CELSR1: variants seen among roughly 807,000 people sequenced by gnomAD.
The protein encoded by CELSR1 is cadherin EGF LAG seven-pass G-type receptor 1, also known as adhesion G protein-coupled receptor C1.
In CELSR1, 110 loss-of-function variants were observed where a neutral mutation model predicts 249.1. The ratio of observed to expected loss-of-function variants is 0.44; its 90% CI spans 0.38 to 0.52. The LOEUF is 0.52. CELSR1 is among the 20% of genes least tolerant of loss of function. The probability of loss-of-function intolerance (pLI) is 0.00; values close to 1 mark genes in which losing one functional copy is unlikely to be tolerated. For missense variants in CELSR1, 4,109 were observed against 4,296.4 expected, an observed-to-expected ratio of 0.96 and a Z score of 1.22; for synonymous variants, 2,113 against 1,900.0, an observed-to-expected ratio of 1.11 and a Z score of -2.92.
chr22:46,377,607 C>T, intron 23 of CELSR1: 1 of 330,498 alleles, frequency 3.0e-6, no homozygotes, highest in East Asian at 6.8e-5. Context: ...ATTTCAGCTT[C>T]CTTGGCCCAC....
At position 46,433,578 on chromosome 22, in the gene CELSR1, G is replaced by A; in HGVS notation, c.4523-97C>T. ...TGTGAGGCATCAGGGGGAGACAGGT[G>A]CACATGGCCACGTCCTCCCTCCCCT... On this transcript the variant is annotated intron_variant, in intron 4 of 34. Coordinates refer to ENST00000674500, the MANE Select transcript of CELSR1 (RefSeq NM_001378328.1). The surrounding 1 kb of genome is among the most constrained non-coding windows in gnomAD (Gnocchi z 5.7). The A allele has an allele frequency of 2.3e-6, 2 of 870,570 alleles. No individual in the cohort carries two copies. The highest frequency in any genetic ancestry group is 1.5e-5 in the South Asian group (1 of 65,224). 53.9% of individuals were successfully genotyped at this position (870,570 alleles called of 1,614,324 possible). A position where few individuals can be genotyped will look rare whatever the true frequency, so the allele number is the denominator to read the frequency against.
In CELSR1 at chr22:46,402,927, G is replaced by A. The variant is rs2147296536; in HGVS notation, c.5227-3025C>T. ...ATTATACCTGAAATATAAGGATACA[G>A]AAAATGTTGAAAGTAAAAGGATAGA... On this transcript the variant is annotated intron_variant, in intron 9 of 34. Coordinates refer to ENST00000674500, the MANE Select transcript of CELSR1 (RefSeq NM_001378328.1). This position sits in a 1 kb window ranked among gnomAD's most constrained non-coding sequence, Gnocchi z 5.0. 6.6e-6 allele frequency among the ~76,000 whole-genome samples: 1 copy of A among 152,164 alleles called. No homozygotes were observed. Among genetic ancestry groups the A allele is most frequent in the East Asian group, 1.9e-4 (1 of 5,176 alleles).
Position 46,453,225 on chromosome 22 carries a change from G to A in CELSR1, c.4183+10482C>T, listed in dbSNP as rs553438042. Among the ~76,000 whole-genome samples the A allele has an allele frequency of 4.6e-5, 7 of 152,294 alleles. No homozygotes were observed. In the South Asian group the frequency reaches 8.3e-4, roughly 18 times the overall value. On this transcript the variant is annotated intron_variant, in intron 2 of 34. Transcript: ENST00000674500. Reference sequence around the variant, plus strand: ...GGGCTGGAAGGGACGTGCCCGGTGCGTTCGTTATCAGCATGCAGGGAAACC... The same window carrying A: ...GGGCTGGAAGGGACGTGCCCGGTGCATTCGTTATCAGCATGCAGGGAAACC...
rs2080075021 is a variant in CELSR1, at chr22:46,464,478, C to G, written c.3545-133G>C. On this transcript the variant is annotated intron_variant, in intron 1 of 34. Coordinates refer to ENST00000674500, the MANE Select transcript of CELSR1 (RefSeq NM_001378328.1). The surrounding 1 kb of genome is among the most constrained non-coding windows in gnomAD (Gnocchi z 8.5). The stretch of plus-strand genomic sequence containing the variant: ...GCCTGGGCATCCCCACTCCCCATTC[C>G]CCACCCATGACCACCACCTTGACCC... 1 of 902,596 alleles carries G rather than the reference C, an allele frequency of 1.1e-6. No individual in the cohort carries two copies. Among genetic ancestry groups the G allele is most frequent in the East Asian group, 2.6e-5 (1 of 38,222 alleles). 55.9% of individuals were successfully genotyped at this position (902,596 alleles called of 1,614,324 possible).
At chr22:46,495,613 A>C (rs1339679364) in intron 1 of CELSR1, among the ~76,000 whole-genome samples, 1 of 151,984 alleles carries the variant, frequency 6.6e-6, no homozygotes, top group East Asian at 1.9e-4. Flanking sequence ...AGACAGGCAG[A>C]TTACCTGAGG....
chr22:46,431,200 G>C (rs2147421889), intron 5 of CELSR1, among the ~76,000 whole-genome samples: 1 of 152,326 alleles, frequency 6.6e-6, no homozygotes, highest in South Asian at 2.1e-4. Context: ...CCTGCACGGG[G>C]ACTTTGCTCC....
chr22:46,533,614 G>T lies in CELSR1; in HGVS notation c.3544+13C>A. The T allele has an allele frequency of 6.5e-7, 1 of 1,538,818 alleles. No homozygotes were observed. The highest frequency in any genetic ancestry group is 8.7e-7 in the Non-Finnish European group (1 of 1,147,402). On this transcript the variant is annotated intron_variant, in intron 1 of 34. Coordinates refer to ENST00000674500, the MANE Select transcript of CELSR1 (RefSeq NM_001378328.1). ...CATCAGGAGCTACTCCTCCCACCCC[G>T]ACGGCCACTCACCAGACACAGACAC...
intron 18 of CELSR1, among the ~76,000 whole-genome samples, chr22:46,387,227 G>A (rs1197142870): frequency 2.6e-5 from 4 of 152,020 alleles, no homozygotes; most frequent in African/African-American, 4.8e-5. Context: ...TTTGCTAGCC[G>A]AACAATTGAA....
At position 46,417,388 on chromosome 22, in the gene CELSR1, A is replaced by G. The variant is rs941027927; in HGVS notation, c.4612-5629T>C. On this transcript the variant is annotated intron_variant, in intron 5 of 34. Transcript: ENST00000674500. This position sits in a 1 kb window ranked among gnomAD's most constrained non-coding sequence, Gnocchi z 4.1. Reference sequence around the variant, plus strand: ...GACTTTGCCAGAATGCAAACCTCAGACCGAGCTGCTACTTCCTGGTGGTCC... The same window carrying G: ...GACTTTGCCAGAATGCAAACCTCAGGCCGAGCTGCTACTTCCTGGTGGTCC... 2.0e-5 allele frequency among the ~76,000 whole-genome samples: 3 copies of G among 152,192 alleles called. No homozygotes were observed. Among genetic ancestry groups the G allele is most frequent in the Admixed American group, 6.5e-5 (1 of 15,282 alleles).
At position 46,401,550 on chromosome 22, in the gene CELSR1, G is replaced by A. The variant is rs1353360318; in HGVS notation, c.5227-1648C>T. ...GCGTGCAGTCAGGTCACGGCTGCCA[G>A]GTACCTGAAACCCCTGCCCTCCTTG... On this transcript the variant is annotated intron_variant, in intron 9 of 34. Transcript: ENST00000674500. The surrounding 1 kb of genome is among the most constrained non-coding windows in gnomAD (Gnocchi z 4.7). 6.6e-6 allele frequency among the ~76,000 whole-genome samples: 1 copy of A among 152,176 alleles called. No individual in the cohort carries two copies. The highest frequency in any genetic ancestry group is 2.4e-5 in the African/African-American group (1 of 41,446).
At position 46,488,754 on chromosome 22, in the gene CELSR1, G is replaced by C. The variant is rs1392099878; in HGVS notation, c.3545-24409C>G. Among the ~76,000 whole-genome samples the C allele has an allele frequency of 1.3e-5, 2 of 151,890 alleles. No individual in the cohort carries two copies. Among genetic ancestry groups the C allele is most frequent in the Admixed American group, 6.6e-5 (1 of 15,258 alleles). On this transcript the variant is annotated intron_variant, in intron 1 of 34. Transcript: ENST00000674500. The surrounding 1 kb of genome is among the most constrained non-coding windows in gnomAD (Gnocchi z 4.7). ...GGCTCACTGCAAGCTCCACCTCCCA[G>C]GTTCATGCCATTCTCCTGCCTCAGC...
Position 46,536,758 on chromosome 22 carries a change from C to A in CELSR1, c.413G>T (p.Gly138Val), listed in dbSNP as rs1482356246. Residue 138 changes from glycine (G) to valine (V), a missense_variant, in exon 1 of 35, where the codon GGC becomes GTC. Gly to Val is a moderately radical substitution (Grantham distance 109, BLOSUM62 -3). Transcript: ENST00000674500. Reference protein sequence around the residue: ...CGALCFPVPGGCAAAQHSALA... With the variant: ...CGALCFPVPGVCAAAQHSALA... ...CGCCGAATGCTGCGCGGCCGCGCAG[C>A]CGCCGGGGACGGGGAAGCAGAGCGC... The A allele has an allele frequency of 1.9e-5, 23 of 1,182,720 alleles. No individual in the cohort carries two copies. The East Asian group carries it at 4.6e-4, about 24-fold the overall frequency. 73.3% of individuals were successfully genotyped at this position (1,182,720 alleles called of 1,614,324 possible).
At chr22:46,432,054 C>T (rs948480319) in intron 5 of CELSR1, among the ~76,000 whole-genome samples, 2 of 152,226 alleles carry the variant, frequency 1.3e-5, no homozygotes, top group Non-Finnish European at 2.9e-5. Flanking sequence ...TGCCCTCCTC[C>T]CAAATGAGGC....
At chr22:46,510,355 G>A (rs901190798) in intron 1 of CELSR1, among the ~76,000 whole-genome samples, 4 of 151,772 alleles carry the variant, frequency 2.6e-5, no homozygotes, top group Non-Finnish European at 4.4e-5. Flanking sequence ...TCCGAGCCAC[G>A]GAGGCTGGAA....
intron 1 of CELSR1, among the ~76,000 whole-genome samples, chr22:46,496,430 T>C (rs1434555262): frequency 6.6e-6 from 1 of 151,922 alleles, no homozygotes; most frequent in Non-Finnish European, 1.5e-5. Flanking sequence ...TAGCCTGGTG[T>C]GGTGGCATAC....
chr22:46,481,470 T>C, intron 1 of CELSR1: 1 of 1,575,528 alleles, frequency 6.3e-7, no homozygotes, highest in Non-Finnish European at 8.6e-7. Context: ...CTATTGAATC[T>C]TTGGCTTTGT....
intron 1 of CELSR1, among the ~76,000 whole-genome samples, chr22:46,508,637 G>A (rs1163647564): frequency 1.3e-5 from 2 of 152,018 alleles, no homozygotes; most frequent in Non-Finnish European, 2.9e-5. Flanking sequence ...CTCAGGGAGG[G>A]GCCTCTCCAG....
In CELSR1 at chr22:46,408,755, TGCC is replaced by T. The variant is rs941723342; in HGVS notation, c.5226+238_5226+240del. Among the ~76,000 whole-genome samples, 1 of 152,222 alleles carries T rather than the reference TGCC, an allele frequency of 6.6e-6. No individual in the cohort carries two copies. The highest frequency in any genetic ancestry group is 1.5e-5 in the Non-Finnish European group (1 of 68,024). The stretch of plus-strand genomic sequence containing the variant: ...CCTCAGGCTAGAGGGAGACCAGAAC[TGCC>T]GCTGAGCTCTGCTGGGCCCCAGGGT... On this transcript the variant is annotated intron_variant, in intron 9 of 34. Coordinates refer to ENST00000674500, the MANE Select transcript of CELSR1 (RefSeq NM_001378328.1). This position sits in a 1 kb window ranked among gnomAD's most constrained non-coding sequence, Gnocchi z 4.6.
At position 46,526,503 on chromosome 22, in the gene CELSR1, C is replaced by A. The variant is rs1202340551; in HGVS notation, c.3544+7124G>T. On this transcript the variant is annotated intron_variant, in intron 1 of 34. Coordinates refer to ENST00000674500, the MANE Select transcript of CELSR1 (RefSeq NM_001378328.1). This position sits in a 1 kb window ranked among gnomAD's most constrained non-coding sequence, Gnocchi z 4.7. ...TTGTCATTTGCTTCTCAGAGGCACC[C>A]CCAAACCACTCCACTCAGATCTCAC... is the stretch of plus-strand genomic sequence containing the variant. Among the ~76,000 whole-genome samples the A allele has an allele frequency of 6.6e-6, 1 of 152,184 alleles. No homozygotes were observed. The highest frequency in any genetic ancestry group is 1.5e-5 in the Non-Finnish European group (1 of 68,034).
Sources: gnomAD v4.1 joint callset for allele counts (sites outside exome capture counted in the v4.1 genomes callset) on GRCh38, gnomAD v4.1.1 for gene constraint, Gnocchi (gnomAD v3.1) non-coding constraint, MANE v1.5 for transcripts, NCBI Gene and HGNC (gene_info 2026-07-23, HGNC 2026-07-21) for gene names.